Variants in CDC45 observed in about 807,000 individuals in gnomAD.
CDC45 encodes the protein cell division cycle 45.
Under a neutral mutation model 77.8 loss-of-function variants are expected in CDC45, and 54 were observed. The ratio of observed to expected loss-of-function variants is 0.69; its 90% CI spans 0.56 to 0.87. The LOEUF is 0.87. Among genes scored for constraint, CDC45 ranks in the 40% least tolerant of loss-of-function variants. The pLI is 0.00. For missense variants in CDC45, 649 were observed against 721.6 expected, an observed-to-expected ratio of 0.90 and a Z score of 1.15; for synonymous variants, 260 against 272.1, an observed-to-expected ratio of 0.96 and a Z score of 0.44.
chr22:19,491,554 T>G (rs9617796), intron 5 of CDC45, among the ~76,000 whole-genome samples: 227 of 152,286 alleles, frequency 1.5e-3, no homozygotes, highest in Non-Finnish European at 2.9e-3. Context: ...TGATTTCTCA[T>G]GAGAAATCCT....
At chr22:19,505,259 C>A in intron 9 of CDC45, 103 bp from the exon 10 acceptor site, 3 of 1,357,450 alleles carry the variant, frequency 2.2e-6, no homozygotes, top group South Asian at 2.5e-5. Context: ...CTGTGGTGAG[C>A]AGGCCCCTGA....
intron 13 of CDC45, among the ~76,000 whole-genome samples, chr22:19,512,191 C>T (rs976595258): frequency 3.3e-5 from 5 of 152,194 alleles, no homozygotes; most frequent in Admixed American, 6.5e-5. Flanking sequence ...TGCTGTTTAA[C>T]AGGACCCCTT....
rs751248371 is a variant in CDC45 at position 19,494,327 on chromosome 22, G to A, written c.487G>A (p.Glu163Lys). 3.4e-5 allele frequency: 55 copies of A among 1,612,400 alleles called. No individual in the cohort carries two copies. The South Asian group carries it at 5.8e-4, about 17-fold the overall frequency. The change falls in exon 6 of 19, where the codon GAG becomes AAG. Residue 163 changes from glutamate to lysine, a missense_variant and splice_region_variant. Glu to Lys is a moderately conservative substitution (Grantham distance 56, BLOSUM62 1). Coordinates refer to ENST00000263201, the MANE Select transcript of CDC45 (RefSeq NM_003504.5). ...PSEKRTRLEEEIVEQTMRRRQ... is the reference protein window; with the variant it reads ...PSEKRTRLEEKIVEQTMRRRQ... ...TTTGTTCTCTTTGTCCCTGTATCAG[G>A]AGATAGTGGAGCAAACCATGCGGAG...
intron 2 of CDC45, 62 bp downstream of exon 2, chr22:19,480,279 G>T: frequency 6.8e-7 from 1 of 1,480,030 alleles, no homozygotes; most frequent in African/African-American, 1.4e-5. Context: ...CTGCGTGGGG[G>T]CGCAGGGCGG....
At chr22:19,500,017 G>A (rs948916264) in intron 9 of CDC45, among the ~76,000 whole-genome samples, 2 of 152,238 alleles carry the variant, frequency 1.3e-5, no homozygotes, top group African/African-American at 4.8e-5. Context: ...AGAAGCCCAA[G>A]TTTCAGGCCT....
intron 7 of CDC45, among the ~76,000 whole-genome samples, chr22:19,497,098 C>T (rs1300783033): frequency 1.3e-5 from 2 of 152,216 alleles, no homozygotes; most frequent in African/African-American, 4.8e-5. Context: ...GCCAGTGCTG[C>T]ACCCGGGCTG....
At position 19,495,997 on chromosome 22, in the gene CDC45, G is replaced by T; in HGVS notation, c.559G>T (p.Asp187Tyr). 1 of 1,611,506 alleles carries T rather than the reference G, an allele frequency of 6.2e-7. No individual in the cohort carries two copies. The highest frequency in any genetic ancestry group is 1.1e-5 in the South Asian group (1 of 90,958). Residue 187 changes from aspartate to tyrosine, a missense_variant, in exon 7 of 19, where the codon GAC becomes TAC. Asp to Tyr is a radical substitution (Grantham distance 160). Transcript: ENST00000263201. ...WEARRRDILF[D>Y]YEQYEYHGTS... ...TCATTACAGAAGAGACATCCTCTTT[G>T]ACTACGAGCAGTATGAATATCATGG...
chr22:19,518,292 T>C (rs575619394), intron 17 of CDC45, among the ~76,000 whole-genome samples: 1 of 152,252 alleles, frequency 6.6e-6, no homozygotes, highest in Non-Finnish European at 1.5e-5. Context: ...CTCTCGGGGC[T>C]GTGGCTGGCA....
intron 13 of CDC45, among the ~76,000 whole-genome samples, chr22:19,512,269 C>T (rs1933559654): frequency 6.6e-6 from 1 of 152,196 alleles, no homozygotes; most frequent in Non-Finnish European, 1.5e-5. Flanking sequence ...ACTGCACTCA[C>T]CTGCTCTTGC....
At chr22:19,504,227 C>T (rs937122255) in intron 9 of CDC45, among the ~76,000 whole-genome samples, 2 of 152,210 alleles carry the variant, frequency 1.3e-5, no homozygotes, top group Admixed American at 6.5e-5. Context: ...TGCAGGGCAC[C>T]GAGTGAGAAG....
chr22:19,488,345 G>T (rs2090104732), intron 5 of CDC45, among the ~76,000 whole-genome samples: 1 of 152,212 alleles, frequency 6.6e-6, no homozygotes, highest in South Asian at 2.1e-4. Context: ...GTGATATCTG[G>T]GCCCTCAGGT....
intron 10 of CDC45, among the ~76,000 whole-genome samples, chr22:19,506,003 G>T (rs887733998): frequency 1.3e-5 from 2 of 152,200 alleles, no homozygotes; most frequent in Admixed American, 6.5e-5. Flanking sequence ...AGGGCAGCGG[G>T]AGGCTGTGGA....
At chr22:19,516,921 C>T (rs1239445149) in intron 17 of CDC45, 28 bp downstream of exon 17, 1 of 1,580,128 alleles carries the variant, frequency 6.3e-7, no homozygotes, top group Non-Finnish European at 8.7e-7. Context: ...CTCTGCCACA[C>T]TTTCCCACCT....
chr22:19,500,348 G>A (rs1242996187), intron 9 of CDC45, among the ~76,000 whole-genome samples: 1 of 152,122 alleles, frequency 6.6e-6, no homozygotes, highest in Non-Finnish European at 1.5e-5. Flanking sequence ...TGAGGGCAGG[G>A]GGAGGGGAGA....
intron 5 of CDC45, among the ~76,000 whole-genome samples, 186 bp from the exon 6 acceptor site, chr22:19,494,141 C>T (rs2090200183): frequency 6.6e-6 from 1 of 152,162 alleles, no homozygotes; most frequent in Non-Finnish European, 1.5e-5. Context: ...GAAGGGGTCA[C>T]AGCCATCCCT....
chr22:19,500,415 C>T (rs573905069), intron 9 of CDC45, among the ~76,000 whole-genome samples: 2 of 152,296 alleles, frequency 1.3e-5, no homozygotes, highest in South Asian at 4.1e-4. Context: ...TCGGCGTGCT[C>T]TCTGCCTGCT....
chr22:19,501,076 AG>A (rs1382782532), intron 9 of CDC45, among the ~76,000 whole-genome samples: 1 of 152,164 alleles, frequency 6.6e-6, no homozygotes, highest in African/African-American at 2.4e-5. Flanking sequence ...GCTACTCGGG[AG>A]GGTGAGACAG....
chr22:19,506,551 G>A (rs13447258), intron 10 of CDC45, among the ~76,000 whole-genome samples: 7,076 of 152,194 alleles, frequency 0.046, 258 homozygotes, highest in Admixed American at 0.078. Flanking sequence ...CCAGGCTCTC[G>A]TCCTGTAGAG....
chr22:19,508,501 G>A, intron 12 of CDC45, 29 bp from the exon 13 acceptor site: 3 of 1,613,512 alleles, frequency 1.9e-6, no homozygotes, highest in Non-Finnish European at 8.5e-7. Flanking sequence ...ACAATTTGAG[G>A]GTGACAGCTG....
Sources: allele counts gnomAD v4.1 joint callset (sites outside exome capture counted in the v4.1 genomes callset), GRCh38; gene constraint gnomAD v4.1.1; transcripts MANE v1.5; gene names NCBI Gene and HGNC (gene_info 2026-07-23, HGNC 2026-07-21).